The following ASTN2 variants were observed in gnomAD, a reference collection of about 807,000 sequenced individuals.
The protein encoded by ASTN2 is astrotactin 2, also known as astrotactin-2.
ASTN2 carries 54 observed loss-of-function variants against 139.8 expected under a neutral mutation model. The observed-to-expected ratio is 0.39, with a 90% CI of 0.31 to 0.48. ASTN2 has a LOEUF of 0.48. ASTN2 is among the 20% of genes least tolerant of loss of function. The probability of loss-of-function intolerance (pLI) is 0.95; values close to 1 mark genes in which losing one functional copy is unlikely to be tolerated. For missense variants in ASTN2, 1,565 were observed against 1,725.1 expected, an observed-to-expected ratio of 0.91 and a Z score of 1.64; for synonymous variants, 756 against 719.5, an observed-to-expected ratio of 1.05 and a Z score of -0.81.
chr9:117,315,078 C>T (rs1016829094), intron 1 of ASTN2, among the ~76,000 whole-genome samples: 38 of 151,224 alleles, frequency 2.5e-4, no homozygotes, highest in African/African-American at 8.2e-4. Flanking sequence ...ATGCTTACTC[C>T]AACATACCTG....
intron 16 of ASTN2, among the ~76,000 whole-genome samples, chr9:116,672,070 T>C (rs1409671852): frequency 6.6e-6 from 1 of 152,178 alleles, no homozygotes; most frequent in Non-Finnish European, 1.5e-5. Context: ...TAAAATTTTA[T>C]ATTATTTCAT....
At chr9:117,120,016 G>GTATATATA (rs1385401943) in intron 4 of ASTN2, among the ~76,000 whole-genome samples, 11 of 33,838 alleles carry the variant, frequency 3.3e-4, no homozygotes, top group Admixed American at 9.9e-4. Flanking sequence ...GTGTGTGTGT[G>GTATATATA]TGTATATATA....
chr9:117,317,062 T>C (rs1205484613), intron 1 of ASTN2, among the ~76,000 whole-genome samples: 1 of 152,122 alleles, frequency 6.6e-6, no homozygotes, highest in African/African-American at 2.4e-5. Context: ...CCTTCTGTTT[T>C]CCCTCTACTT....
chr9:116,901,778 G>T (rs1296890716), intron 10 of ASTN2, among the ~76,000 whole-genome samples: 2 of 152,194 alleles, frequency 1.3e-5, no homozygotes, highest in Non-Finnish European at 2.9e-5. Flanking sequence ...GCTCACGCCT[G>T]TAATCCCAGC....
intron 6 of ASTN2, among the ~76,000 whole-genome samples, chr9:117,016,752 T>A (rs935682244): frequency 5.6e-4 from 45 of 80,442 alleles, no homozygotes; most frequent in East Asian, 1.9e-3. Flanking sequence ...TATATAGGTT[T>A]TATATATAGG....
intron 4 of ASTN2, among the ~76,000 whole-genome samples, chr9:117,100,095 A>G (rs1828938911): frequency 6.6e-6 from 1 of 152,204 alleles, no homozygotes; most frequent in African/African-American, 2.4e-5. Context: ...TGACTCCAAC[A>G]CCTGGACCTG....
intron 19 of ASTN2, among the ~76,000 whole-genome samples, chr9:116,605,561 T>G (rs992796439): frequency 6.6e-6 from 1 of 152,146 alleles, no homozygotes; most frequent in Non-Finnish European, 1.5e-5. Flanking sequence ...TTGTCCTCAC[T>G]CTTCTGATCC....
intron 2 of ASTN2, among the ~76,000 whole-genome samples, chr9:117,244,585 GGGA>G (rs1217978785): frequency 8.1e-5 from 1 of 12,272 alleles, no homozygotes; most frequent in Admixed American, 3.6e-3. Context: ...GAGGGAGGGA[GGGA>G]GGGAGGGAGG....
chr9:117,055,024 C>T (rs1346120104), intron 5 of ASTN2, among the ~76,000 whole-genome samples: 2 of 152,140 alleles, frequency 1.3e-5, no homozygotes, highest in Admixed American at 6.6e-5. Flanking sequence ...TGAAAAGAGG[C>T]GGAGCTTAGG....
intron 11 of ASTN2, among the ~76,000 whole-genome samples, chr9:116,838,607 T>TC (rs1832092413): frequency 6.9e-6 from 1 of 144,812 alleles, no homozygotes; most frequent in Non-Finnish European, 1.5e-5. Context: ...TTTTTTTTTT[T>TC]CAGTAGAGAT....
intron 19 of ASTN2, among the ~76,000 whole-genome samples, chr9:116,590,161 G>A (rs1447385540): frequency 6.6e-6 from 1 of 152,196 alleles, no homozygotes; most frequent in Non-Finnish European, 1.5e-5. Flanking sequence ...CAAGTTGGAG[G>A]AGCGGGAGCC....
At chr9:116,507,343 C>T (rs1224389473) in intron 19 of ASTN2, among the ~76,000 whole-genome samples, 1 of 152,118 alleles carries the variant, frequency 6.6e-6, no homozygotes, top group African/African-American at 2.4e-5. Flanking sequence ...CTCCTGTTTT[C>T]CAGATGGAGA....
intron 13 of ASTN2, among the ~76,000 whole-genome samples, chr9:116,793,826 G>C (rs746910303): frequency 6.6e-6 from 1 of 152,104 alleles, no homozygotes; most frequent in East Asian, 1.9e-4. Context: ...AGAAGCACTG[G>C]CATAATTCAT....
At chr9:116,748,855 A>G (rs1829323114) in intron 13 of ASTN2, among the ~76,000 whole-genome samples, 3 of 152,308 alleles carry the variant, frequency 2.0e-5, no homozygotes, top group Admixed American at 2.0e-4. Context: ...GGAGTGTTTA[A>G]GTCCTGAGGT....
chr9:117,016,603 T>TATAAC (rs1470677603), intron 6 of ASTN2, among the ~76,000 whole-genome samples: 1 of 4,974 alleles, frequency 2.0e-4, no homozygotes, highest in Non-Finnish European at 4.7e-4. Context: ...TATATATATA[T>TATAAC]CTATATCTAT....
At chr9:116,731,476 G>A (rs1828783249) in intron 14 of ASTN2, among the ~76,000 whole-genome samples, 1 of 152,062 alleles carries the variant, frequency 6.6e-6, no homozygotes, top group South Asian at 2.1e-4. Flanking sequence ...ATGCTGGAGT[G>A]CAGTGGCAAG....
At chr9:117,225,574 T>TATATATATATATATATATACAC (rs371374987) in intron 2 of ASTN2, among the ~76,000 whole-genome samples, 6 of 77,976 alleles carry the variant, frequency 7.7e-5, no homozygotes, top group Admixed American at 3.3e-4. Flanking sequence ...TATATATATA[T>TATATATATATATATATATACAC]ACAGATGAAC....
In ASTN2 at chr9:116,589,576, T is replaced by G. The variant is rs370652182; in HGVS notation, c.3355+28748A>C. Among the ~76,000 whole-genome samples, 11 of 152,280 alleles carry G rather than the reference T, an allele frequency of 7.2e-5. No individual in the cohort carries two copies. In the East Asian group the frequency reaches 1.4e-3, roughly 19 times the overall value. Reference sequence around the variant, plus strand: ...ATGTCACTATTGAAAACAAAGATTCTGCATGGCTCTGTGTCAAGTCATGGT... The same window carrying G: ...ATGTCACTATTGAAAACAAAGATTCGGCATGGCTCTGTGTCAAGTCATGGT... On this transcript the variant is annotated intron_variant, in intron 19 of 22. Transcript: ENST00000313400.
chr9:117,280,852 A>C (rs1022526830), intron 2 of ASTN2, among the ~76,000 whole-genome samples: 4 of 152,152 alleles, frequency 2.6e-5, no homozygotes, highest in African/African-American at 9.7e-5. Context: ...AGACTCCACA[A>C]ATACCCTATA....
Sources: gnomAD v4.1 joint callset for allele counts (sites outside exome capture counted in the v4.1 genomes callset) on GRCh38, gnomAD v4.1.1 for gene constraint, MANE v1.5 for transcripts, NCBI Gene and HGNC (gene_info 2026-07-23, HGNC 2026-07-21) for gene names.